Variants in DUSP14 observed in about 807,000 individuals in gnomAD.
The protein encoded by DUSP14 is dual specificity phosphatase 14.
DUSP14 carries 5 observed loss-of-function variants against 13.2 expected under a neutral mutation model. The observed-to-expected ratio is 0.38, with a 90% CI of 0.20 to 0.80. The LOEUF (loss-of-function observed/expected upper bound fraction) is 0.80. Ranked by LOEUF, DUSP14 falls within the 30% of genes least tolerant of loss-of-function variation. The probability of loss-of-function intolerance (pLI) is 0.44; values close to 1 mark genes in which losing one functional copy is unlikely to be tolerated. For synonymous variants in DUSP14, 91 were observed against 103.4 expected, an observed-to-expected ratio of 0.88 and a Z score of 0.73; for missense variants, 185 against 264.0, an observed-to-expected ratio of 0.70 and a Z score of 2.07.
rs1194966080 is a variant in DUSP14, at chr17:37,491,840, A to G, written c.-181+1882A>G. On this transcript the variant is annotated intron_variant, in intron 1 of 2. Transcript: ENST00000617516. Reference sequence around the variant, plus strand: ...TGCTTTTCCCAAAATCACAAGAAATACATTAACCATTCTCTGTGAGATTTA... The same window carrying G: ...TGCTTTTCCCAAAATCACAAGAAATGCATTAACCATTCTCTGTGAGATTTA... Among the ~76,000 whole-genome samples, 3 of 152,222 alleles carry G rather than the reference A, an allele frequency of 2.0e-5. No homozygotes were observed. The East Asian group carries it at 5.8e-4, about 29-fold the overall frequency.
intron 2 of DUSP14, among the ~76,000 whole-genome samples, chr17:37,511,780 TAAAAA>T (rs1257003543): frequency 6.6e-6 from 1 of 150,462 alleles, no homozygotes; most frequent in Non-Finnish European, 1.5e-5. Context: ...AAATAAAAAA[TAAAAA>T]GTTTTTTTGT....
rs71135736 is a variant in DUSP14, at chr17:37,509,243, CTATATATATATATATATATATATATATA to C, written c.-180-1407_-180-1380del. Among the ~76,000 whole-genome samples, 36 of 44,786 alleles carry C rather than the reference CTATATATATATATATATATATATATATA, an allele frequency of 8.0e-4. 2 individuals are homozygous for C. Among genetic ancestry groups the C allele is most frequent in the East Asian group, 3.0e-3 (6 of 1,974 alleles). The allele number at this position is 44,786 out of a possible 152,430, so 29.4% of individuals were successfully genotyped here. On this transcript the variant is annotated intron_variant, in intron 1 of 2. Coordinates refer to ENST00000617516, the MANE Select transcript of DUSP14 (RefSeq NM_007026.4). ...ACTATATATACACACTATATACACA[CTATATATATATATATATATATATATATA>C]TATATATATATATATATATATATAT... is the stretch of plus-strand genomic sequence containing the variant.
At position 37,512,831 on chromosome 17, in the gene DUSP14, A is replaced by G. The variant is rs1407411702; in HGVS notation, c.559A>G (p.Lys187Glu). The G allele has an allele frequency of 3.1e-6, 5 of 1,610,082 alleles. No homozygotes were observed. Among genetic ancestry groups the G allele is most frequent in the Non-Finnish European group, 4.2e-6 (5 of 1,177,066 alleles). The change falls in exon 3 of 3, where the codon AAG becomes GAG. Residue 187 changes from lysine to glutamate, a missense_variant. Transcript: ENST00000617516. The surrounding 1 kb of genome is among the most constrained non-coding windows in gnomAD (Gnocchi z 4.8). The stretch of plus-strand genomic sequence containing the variant: ...TGGCATAGTTCCCGACGTCTATGAG[A>G]AGGAGTCCCGACACCTGATGCCTTA... ...PYGIVPDVYE[K>E]ESRHLMPYWG...
At position 37,512,459 on chromosome 17, in the gene DUSP14, A is replaced by G. The variant is rs558240640; in HGVS notation, c.187A>G (p.Ile63Val). 20 of 1,614,108 alleles carry G rather than the reference A, an allele frequency of 1.2e-5. No individual in the cohort carries two copies. In the African/African-American group the frequency reaches 2.4e-4, roughly 19 times the overall value. The change falls in exon 3 of 3, where the codon ATC (isoleucine) becomes GTC (valine). Residue 63 changes from isoleucine (I) to valine (V), a missense_variant. Ile to Val is a conservative substitution (Grantham distance 29). Coordinates refer to ENST00000617516, the MANE Select transcript of DUSP14 (RefSeq NM_007026.4). The surrounding 1 kb of genome is among the most constrained non-coding windows in gnomAD (Gnocchi z 4.8). ...CTGCATTGTTAATGCTACCATTGAGATCCCTAATTTCAACTGGCCCCAATT... is the reference window on the plus strand; with the variant it reads ...CTGCATTGTTAATGCTACCATTGAGGTCCCTAATTTCAACTGGCCCCAATT... ...ITCIVNATIE[I>V]PNFNWPQFEY...
intron 1 of DUSP14, among the ~76,000 whole-genome samples, chr17:37,495,549 G>C (rs2143056289): frequency 6.6e-6 from 1 of 152,268 alleles, no homozygotes; most frequent in Non-Finnish European, 1.5e-5. Flanking sequence ...AGAGCATGCT[G>C]CTTCTGTTGA....
At chr17:37,494,678 G>A (rs1468744534) in intron 1 of DUSP14, among the ~76,000 whole-genome samples, 4 of 152,196 alleles carry the variant, frequency 2.6e-5, no homozygotes, top group African/African-American at 9.7e-5. Context: ...GAGGGCAGCC[G>A]TTAAATTCAG....
At chr17:37,501,454 G>C (rs1283166136) in intron 1 of DUSP14, among the ~76,000 whole-genome samples, 1 of 152,130 alleles carries the variant, frequency 6.6e-6, no homozygotes, top group Non-Finnish European at 1.5e-5. Context: ...TAAATGGTGA[G>C]GGCTGTAGAA....
At chr17:37,489,591 G>C (rs1362001904), upstream of DUSP14, among the ~76,000 whole-genome samples, 2 of 152,094 alleles carry the variant, frequency 1.3e-5, no homozygotes, top group Non-Finnish European at 2.9e-5. Context: ...CTCATACGCA[G>C]ACGCTGACTG....
Position 37,513,053 on chromosome 17 carries a change from G to C in DUSP14, c.*184G>C. 3 of 565,422 alleles carry C rather than the reference G, an allele frequency of 5.3e-6. No individual in the cohort carries two copies. The South Asian group carries it at 8.8e-5, about 16-fold the overall frequency. 35.0% of individuals were successfully genotyped at this position (565,422 alleles called of 1,614,324 possible). A position where few individuals can be genotyped will look rare whatever the true frequency, so the allele number is the denominator to read the frequency against. On this transcript the variant is annotated 3_prime_UTR_variant, in exon 3 of 3. Transcript: ENST00000617516. ...GGGACATAAAGGGAATGCATACATT[G>C]CTAGTCACATTTTTAAAATTAACAT...
chr17:37,488,755 C>T (rs1001633646), upstream of DUSP14, among the ~76,000 whole-genome samples: 4 of 152,188 alleles, frequency 2.6e-5, no homozygotes, highest in Non-Finnish European at 4.4e-5. Flanking sequence ...CACCGGATGA[C>T]TCTGAAGCCG....
At chr17:37,489,371 C>T (rs920452838), upstream of DUSP14, among the ~76,000 whole-genome samples, 10 of 152,168 alleles carry the variant, frequency 6.6e-5, no homozygotes, top group African/African-American at 2.2e-4. Context: ...AAGCGTCAGC[C>T]AGGAACTGCC....
intron 1 of DUSP14, among the ~76,000 whole-genome samples, chr17:37,503,285 C>T (rs548705979): frequency 2.6e-5 from 4 of 152,262 alleles, no homozygotes; most frequent in East Asian, 1.9e-4. Context: ...ATTAGCTAGC[C>T]ATGGTGGCGC....
At chr17:37,490,841 A>G (rs952120065) in intron 1 of DUSP14, among the ~76,000 whole-genome samples, 9 of 152,166 alleles carry the variant, frequency 5.9e-5, no homozygotes, top group Non-Finnish European at 1.3e-4. Context: ...TACAGATGTA[A>G]AAACGGAGGC....
At chr17:37,502,820 G>A (rs900466208) in intron 1 of DUSP14, among the ~76,000 whole-genome samples, 1 of 152,102 alleles carries the variant, frequency 6.6e-6, no homozygotes, top group African/African-American at 2.4e-5. Flanking sequence ...AGGTAGCAGT[G>A]TGCGACATGT....
Position 37,512,894 on chromosome 17 carries a change from C to A in DUSP14, c.*25C>A. The A allele has an allele frequency of 6.4e-7, 1 of 1,571,928 alleles. No individual in the cohort carries two copies. Among genetic ancestry groups the A allele is most frequent in the Non-Finnish European group, 8.7e-7 (1 of 1,150,810 alleles). On this transcript the variant is annotated 3_prime_UTR_variant, in exon 3 of 3. Transcript: ENST00000617516. The surrounding 1 kb of genome is among the most constrained non-coding windows in gnomAD (Gnocchi z 4.8). The stretch of plus-strand genomic sequence containing the variant: ...GTGCCACTGAAGCCTGCGTCAGCAG[C>A]CCGAGCGGGGCCGGCATCTGCTCCC...
At position 37,512,092 on chromosome 17, in the gene DUSP14, C is replaced by A. The variant is rs1014150792; in HGVS notation, c.-92-89C>A. On this transcript the variant is annotated intron_variant, in intron 2 of 2. Coordinates refer to ENST00000617516, the MANE Select transcript of DUSP14 (RefSeq NM_007026.4). The surrounding 1 kb of genome is among the most constrained non-coding windows in gnomAD (Gnocchi z 4.8). ...TTGTACTGTATTATTTAAAAAAAAA[C>A]CCTCTAATCTTCCCATTTGACAAAT... 2.1e-5 allele frequency: 12 copies of A among 569,478 alleles called. No homozygotes were observed. Among genetic ancestry groups the A allele is most frequent in the East Asian group, 1.1e-4 (4 of 35,684 alleles). 35.3% of individuals were successfully genotyped at this position (569,478 alleles called of 1,614,324 possible).
intron 1 of DUSP14, among the ~76,000 whole-genome samples, chr17:37,490,469 G>A (rs555823180): frequency 6.6e-6 from 1 of 152,342 alleles, no homozygotes; most frequent in East Asian, 1.9e-4. Context: ...ATGGGTGTGC[G>A]CGGTGCTAAC....
intron 1 of DUSP14, among the ~76,000 whole-genome samples, chr17:37,504,359 G>A (rs1005037128): frequency 2.0e-5 from 3 of 152,164 alleles, no homozygotes; most frequent in African/African-American, 7.2e-5. Flanking sequence ...TGGCTGAACC[G>A]GAGTGTGACT....
At chr17:37,497,059 C>T in intron 1 of DUSP14, among the ~76,000 whole-genome samples, 1 of 152,014 alleles carries the variant, frequency 6.6e-6, no homozygotes, top group East Asian at 1.9e-4. Context: ...TTCCTTGGGC[C>T]ATTTCTCTTC....
Sources: gnomAD v4.1 joint callset for allele counts (sites outside exome capture counted in the v4.1 genomes callset) on GRCh38, gnomAD v4.1.1 for gene constraint, Gnocchi (gnomAD v3.1) non-coding constraint, MANE v1.5 for transcripts, NCBI Gene and HGNC (gene_info 2026-07-23, HGNC 2026-07-21) for gene names.